RAB33A: variants seen among roughly 807,000 people sequenced by gnomAD.
RAB33A encodes RAB33A, member RAS oncogene family, also known as ras-related protein Rab-33A.
In RAB33A, 6 loss-of-function variants were observed where a neutral mutation model predicts 12.0. The ratio of observed to expected loss-of-function variants is 0.50; its 90% CI spans 0.27 to 0.99. The LOEUF (loss-of-function observed/expected upper bound fraction) is 0.99, where lower values mean the gene tolerates loss of function less well. RAB33A is among the 50% of genes least tolerant of loss of function. The pLI, the probability that RAB33A is intolerant of heterozygous loss-of-function variation, is 0.11. For synonymous variants in RAB33A, 70 were observed against 82.4 expected (o/e 0.85, Z 0.81); for missense variants, 109 against 192.0 (o/e 0.57, Z 2.55).
chrX:130,155,724 A>C, the RAB33A span, among the ~76,000 whole-genome samples: 1 of 112,226 alleles, frequency 8.9e-6, no homozygotes, highest in Non-Finnish European at 1.9e-5. Flanking sequence ...ACTAGGTGTT[A>C]TCTAAGTTGG....
upstream of RAB33A, among the ~76,000 whole-genome samples, chrX:130,169,207 CAAAAAA>C (rs150861385): frequency 1.9e-3 from 131 of 67,461 alleles, 2 homozygotes; most frequent in East Asian, 0.051. Context: ...GACTCCATCT[CAAAAAA>C]AAAAAAAAAA....
the RAB33A span, among the ~76,000 whole-genome samples, chrX:130,113,077 C>CTTTTTTTTTTTTTT: frequency 8.5e-5 from 4 of 46,994 alleles, no homozygotes; most frequent in African/African-American, 1.9e-4. Context: ...TTTTTTCCTT[C>CTTTTTTTTTTTTTT]TTTTTTTTTT....
At chrX:130,117,592 G>A in the RAB33A span, among the ~76,000 whole-genome samples, 4 of 112,141 alleles carry the variant, frequency 3.6e-5, no homozygotes, top group East Asian at 8.4e-4. Flanking sequence ...AAATGAGGAC[G>A]AACTGGCTTT....
the RAB33A span, among the ~76,000 whole-genome samples, chrX:130,166,952 G>A: frequency 1.8e-5 from 2 of 112,072 alleles, no homozygotes; most frequent in African/African-American, 3.2e-5. Context: ...CATCTATATA[G>A]GAAGTGGCCA....
chrX:130,172,754 G>A (rs2124685350), intron 1 of RAB33A, among the ~76,000 whole-genome samples: 1 of 111,823 alleles, frequency 8.9e-6, no homozygotes, highest in South Asian at 3.7e-4. Flanking sequence ...CCCCACTTTG[G>A]CTAAGCCTCA....
rs1188540923 is a variant in RAB33A at position 130,182,139 on chromosome X, C to CAAAAAAAA, written c.259-2134_259-2127dup. ...GCAACATAACAAGATTCTGTCTCTACAAAAAAAAAAAAAAAAAAATATATA... is the reference window on the plus strand; with the variant it reads ...GCAACATAACAAGATTCTGTCTCTACAAAAAAAAAAAAAAAAAAAAAAAAAAATATATA... On this transcript the variant is annotated intron_variant, in intron 1 of 1. Coordinates refer to ENST00000257017, the MANE Select transcript of RAB33A (RefSeq NM_004794.3). 2.8e-3 allele frequency among the ~76,000 whole-genome samples: 85 copies of CAAAAAAAA among 30,491 alleles called. 9 individuals are homozygous for CAAAAAAAA. Among genetic ancestry groups the CAAAAAAAA allele is most frequent in the African/African-American group, 0.012 (82 of 6,943 alleles). 26.5% of individuals were successfully genotyped at this position (30,491 alleles called of 115,157 possible). A position where few individuals can be genotyped will look rare whatever the true frequency, so the allele number is the denominator to read the frequency against.
the RAB33A span, among the ~76,000 whole-genome samples, chrX:130,128,375 C>G: frequency 9.0e-6 from 1 of 110,812 alleles, no homozygotes; most frequent in Admixed American, 9.7e-5. Context: ...GAGTTTGAGA[C>G]CAGCCTGACC....
At position 130,184,276 on chromosome X, in the gene RAB33A, A is replaced by G. The variant is rs1429324636; in HGVS notation, c.259-9A>G. 1 of 1,198,735 alleles carries G rather than the reference A, an allele frequency of 8.3e-7. No homozygotes were observed. On this transcript the variant is annotated splice_polypyrimidine_tract_variant and intron_variant, in intron 1 of 1. Coordinates refer to ENST00000257017, the MANE Select transcript of RAB33A (RefSeq NM_004794.3). ...TCTGACTCCACCTTTGGGTTTTTGT[A>G]TCTTCCAGGTTCAGGTGTGGGACAC...
At chrX:130,137,775 G>A in the RAB33A span, 1 of 993,406 alleles carries the variant, frequency 1.0e-6, no homozygotes, top group African/African-American at 2.0e-5. Context: ...AGAAAGTATT[G>A]CTGTTGGCCA....
At chrX:130,174,481 G>A (rs187490260) in intron 1 of RAB33A, among the ~76,000 whole-genome samples, 17 of 112,225 alleles carry the variant, frequency 1.5e-4, no homozygotes, top group Non-Finnish European at 2.6e-4. Flanking sequence ...AGAGCCTGGC[G>A]GCTAGCACGT....
Position 130,184,596 on chromosome X carries a change from CGT to C in RAB33A, c.572_573del (p.Val191GlyfsTer21). 8.3e-7 allele frequency: 1 copy of C among 1,211,355 alleles called. No individual in the cohort carries two copies. Among genetic ancestry groups the C allele is most frequent in the Non-Finnish European group, 1.1e-6 (1 of 895,440 alleles). ...CCAAGGACCCCAAAGAGAGCCAGAA[CGT>C]GGAGTCGATTTTCATGTGCTTGGCT... ...SAKDPKESQN[V>X]ESIFMCLACR... On this transcript the variant is annotated frameshift_variant, in exon 2 of 2. Transcript: ENST00000257017. LOFTEE classifies it high-confidence loss of function.
chrX:130,137,328 A>C, the RAB33A span: 131 of 1,169,858 alleles, frequency 1.1e-4, no homozygotes, highest in Non-Finnish European at 1.5e-4. Flanking sequence ...CTTACAGGAC[A>C]GTGGGCATGA....
the RAB33A span, among the ~76,000 whole-genome samples, chrX:130,156,903 T>C: frequency 8.9e-6 from 1 of 111,855 alleles, no homozygotes; most frequent in Non-Finnish European, 1.9e-5. Flanking sequence ...CCTTCATGTC[T>C]TTCCCATAAA....
chrX:130,171,534 G>T, upstream of RAB33A: 1 of 118,418 alleles, frequency 8.4e-6, no homozygotes, highest in Non-Finnish European at 1.8e-5. Flanking sequence ...GAGCCAGTGG[G>T]GGTGGGGAGC....
the RAB33A span, among the ~76,000 whole-genome samples, chrX:130,135,601 T>C: frequency 9.0e-6 from 1 of 110,711 alleles, no homozygotes; most frequent in Admixed American, 9.7e-5. Context: ...TATGTCATAA[T>C]AGATTGTAAA....
At chrX:130,145,386 G>C in the RAB33A span, 1 of 686,497 alleles carries the variant, frequency 1.5e-6, no homozygotes, top group East Asian at 3.3e-5. Context: ...ACAATGGCAG[G>C]ACAGACATAA....
chrX:130,165,799 A>G, the RAB33A span: 4 of 563,923 alleles, frequency 7.1e-6, no homozygotes, highest in Non-Finnish European at 1.2e-5. Context: ...CCGGGTGGGC[A>G]TTGGACAGAG....
chrX:130,147,526 A>T, the RAB33A span: 1 of 1,211,996 alleles, frequency 8.3e-7, no homozygotes, highest in Non-Finnish European at 1.1e-6. Flanking sequence ...TTTGAATCGC[A>T]GTGTCTTTGT....
chrX:130,117,309 G>A, the RAB33A span, among the ~76,000 whole-genome samples: 1 of 112,756 alleles, frequency 8.9e-6, no homozygotes, highest in Non-Finnish European at 1.9e-5. Flanking sequence ...GCTTTCAATT[G>A]TCTTCGAGCT....
Sources: allele counts gnomAD v4.1 joint callset (sites outside exome capture counted in the v4.1 genomes callset), GRCh38; gene constraint gnomAD v4.1.1; transcripts MANE v1.5; gene names NCBI Gene and HGNC (gene_info 2026-07-23, HGNC 2026-07-21).